RNF212B: variants seen among roughly 807,000 people sequenced by gnomAD.
RNF212B encodes the protein E3 ubiquitin-protein ligase RNF212B.
RNF212B carries 52 observed loss-of-function variants against 55.5 expected under a neutral mutation model. The observed-to-expected ratio is 0.94, with a 90% CI of 0.75 to 1.18. The LOEUF is 1.18. Ranked by LOEUF, RNF212B falls within the 50% of genes most tolerant of loss-of-function variation. RNF212B has a pLI of 0.00. For synonymous variants in RNF212B, 99 were observed against 121.4 expected (o/e 0.82, Z 1.21); for missense variants, 289 against 350.4 (o/e 0.82, Z 1.40).
chr14:23,221,141 C>A (rs750760701), intron 2 of RNF212B, among the ~76,000 whole-genome samples: 7 of 151,270 alleles, frequency 4.6e-5, no homozygotes, highest in Non-Finnish European at 8.8e-5. Flanking sequence ...AATCCCAGCA[C>A]TTTGGGAGGC....
At chr14:23,216,493 G>C (rs977561745) in intron 2 of RNF212B, among the ~76,000 whole-genome samples, 28 of 151,174 alleles carry the variant, frequency 1.9e-4, no homozygotes, top group African/African-American at 6.6e-4. Context: ...TCAATCAAAA[G>C]ATAGACGTCG....
upstream of RNF212B, among the ~76,000 whole-genome samples, chr14:23,236,693 T>C (rs1883127118): frequency 6.6e-6 from 1 of 152,132 alleles, no homozygotes; most frequent in Non-Finnish European, 1.5e-5. Context: ...AGATGCAATT[T>C]ACATAAACAA....
intron 2 of RNF212B, among the ~76,000 whole-genome samples, chr14:23,207,201 G>T (rs541420623): frequency 1.4e-4 from 21 of 152,320 alleles, no homozygotes; most frequent in Admixed American, 1.2e-3. Flanking sequence ...TGTTCTAAGT[G>T]TAAGTAGGAA....
intron 4 of RNF212B, 94 bp downstream of exon 4, chr14:23,244,490 G>C: frequency 1.6e-6 from 1 of 639,464 alleles, no homozygotes; most frequent in South Asian, 2.0e-5. Context: ...AACTGCATTT[G>C]TACACAATGG....
intron 1 of RNF212B, among the ~76,000 whole-genome samples, chr14:23,192,282 A>G (rs1878186425): frequency 6.6e-6 from 1 of 152,226 alleles, no homozygotes; most frequent in African/African-American, 2.4e-5. Context: ...ACTTGGAACC[A>G]ACCCAAATGT....
chr14:23,209,317 CTGACCTATCTCATCCTG>C (rs1880247072), intron 2 of RNF212B, among the ~76,000 whole-genome samples: 1 of 152,136 alleles, frequency 6.6e-6, no homozygotes, highest in Non-Finnish European at 1.5e-5. Flanking sequence ...GTATTTTGTG[CTGACCTATCTCATCCTG>C]TGACTTAGAA....
intron 2 of RNF212B, among the ~76,000 whole-genome samples, chr14:23,208,847 C>T (rs1356964294): frequency 6.8e-6 from 1 of 146,724 alleles, no homozygotes; most frequent in South Asian, 2.2e-4. Context: ...CAAGCTCTGC[C>T]TCCCAGGTTC....
At chr14:23,224,294 AG>A (rs1312842582) in intron 2 of RNF212B, among the ~76,000 whole-genome samples, 1 of 152,190 alleles carries the variant, frequency 6.6e-6, no homozygotes, top group Admixed American at 6.5e-5. Context: ...GAATAGCCAA[AG>A]CTATCCTGAG....
In RNF212B at chr14:23,243,327, G is replaced by A. The variant is rs1883736551; in HGVS notation, c.153+19G>A. ...TGATAATGTAAGTTTTTCTCCCCCTGCCACAAACTGTCTCATCCCATTCCT... is the reference window on the plus strand; with the variant it reads ...TGATAATGTAAGTTTTTCTCCCCCTACCACAAACTGTCTCATCCCATTCCT... On this transcript the variant is annotated intron_variant, in intron 3 of 14. Transcript: ENST00000430154. 1.3e-6 allele frequency: 2 copies of A among 1,543,024 alleles called. No individual in the cohort carries two copies. Among genetic ancestry groups the A allele is most frequent in the Non-Finnish European group, 1.8e-6 (2 of 1,140,436 alleles).
At chr14:23,243,690 G>A (rs1883769145) in intron 3 of RNF212B, among the ~76,000 whole-genome samples, 1 of 77,524 alleles carries the variant, frequency 1.3e-5, no homozygotes, top group African/African-American at 5.5e-5. Context: ...GTAAGACTCT[G>A]TCTCAAAAAA....
intron 2 of RNF212B, among the ~76,000 whole-genome samples, chr14:23,221,081 G>A (rs1881528831): frequency 6.6e-6 from 1 of 151,794 alleles, no homozygotes; most frequent in Admixed American, 6.6e-5. Context: ...ACAATGATCT[G>A]TCACCTAGAA....
At chr14:23,223,460 A>G (rs1424045842) in intron 2 of RNF212B, among the ~76,000 whole-genome samples, 2 of 151,756 alleles carry the variant, frequency 1.3e-5, no homozygotes, top group East Asian at 1.9e-4. Context: ...GGTTCACGCC[A>G]TTCTTCTGCC....
chr14:23,220,182 CG>C (rs1785706098), intron 2 of RNF212B, among the ~76,000 whole-genome samples: 1 of 144,908 alleles, frequency 6.9e-6, no homozygotes, highest in South Asian at 2.2e-4. Context: ...AAAACTGTCT[CG>C]GGAAAAACAA....
At chr14:23,213,101 A>G (rs1880694452) in intron 2 of RNF212B, among the ~76,000 whole-genome samples, 1 of 152,040 alleles carries the variant, frequency 6.6e-6, no homozygotes, top group Non-Finnish European at 1.5e-5. Flanking sequence ...TCACAAGGTC[A>G]GGAGATCGAG....
At chr14:23,196,636 C>G (rs1360891836) in intron 2 of RNF212B, among the ~76,000 whole-genome samples, 1 of 152,048 alleles carries the variant, frequency 6.6e-6, no homozygotes, top group Non-Finnish European at 1.5e-5. Context: ...GAGATGGGGT[C>G]TTGCTATGTT....
At chr14:23,219,782 TTC>T (rs1308218011) in intron 2 of RNF212B, among the ~76,000 whole-genome samples, 2 of 152,110 alleles carry the variant, frequency 1.3e-5, no homozygotes, top group African/African-American at 4.8e-5. Flanking sequence ...TTTATTAGTT[TTC>T]TTTTAGTGTG....
intron 11 of RNF212B, among the ~76,000 whole-genome samples, chr14:23,268,688 G>C (rs776387342): frequency 6.6e-6 from 1 of 152,156 alleles, no homozygotes; most frequent in Non-Finnish European, 1.5e-5. Flanking sequence ...AGATACATGA[G>C]AGCACATGAA....
intron 7 of RNF212B, chr14:23,261,389 A>G (rs1208293180): frequency 6.6e-6 from 1 of 152,368 alleles, no homozygotes; most frequent in Non-Finnish European, 1.5e-5. Flanking sequence ...CAGGTCTTTA[A>G]ATAAATTTTG....
rs570132475 is a variant in RNF212B, at chr14:23,207,638, C to A, written c.-2+14237C>A. Among the ~76,000 whole-genome samples, 2 of 152,110 alleles carry A rather than the reference C, an allele frequency of 1.3e-5. 1 individual carries two copies. The highest frequency in any genetic ancestry group is 1.3e-4 in the Admixed American group (2 of 15,272). The stretch of plus-strand genomic sequence containing the variant: ...CACAGATAGGAGATTTGTCAAAGGT[C>A]GGGGGCAACTCCACTCAGAATCCTC... On this transcript the variant is annotated intron_variant, in intron 2 of 15. Transcript: ENST00000399910.
Sources: gnomAD v4.1 joint callset for allele counts (sites outside exome capture counted in the v4.1 genomes callset) on GRCh38, gnomAD v4.1.1 for gene constraint, MANE v1.5 for transcripts, NCBI Gene and HGNC (gene_info 2026-07-23, HGNC 2026-07-21) for gene names.